The following ESR1 variants were observed in gnomAD, a reference collection of about 807,000 sequenced individuals.
ESR1 encodes the protein estrogen receptor 1.
ESR1 carries 12 observed loss-of-function variants against 52.7 expected under a neutral mutation model. That is an observed-to-expected ratio of 0.23 (90% CI 0.15 to 0.37). The LOEUF (loss-of-function observed/expected upper bound fraction) is 0.37. ESR1 is among the 10% of genes least tolerant of loss of function. ESR1 has a pLI of 1.00. For synonymous variants in ESR1, 305 were observed against 316.8 expected, an observed-to-expected ratio of 0.96 and a Z score of 0.39; for missense variants, 584 against 779.7, an observed-to-expected ratio of 0.75 and a Z score of 2.99.
At chr6:152,028,695 C>A (rs1218368214) in intron 5 of ESR1, among the ~76,000 whole-genome samples, 1 of 152,224 alleles carries the variant, frequency 6.6e-6, no homozygotes, top group Non-Finnish European at 1.5e-5. Context: ...GCCTGCCTGT[C>A]TCTGTAGACT....
At chr6:151,969,262 A>G (rs1186897049) in intron 4 of ESR1, among the ~76,000 whole-genome samples, 4 of 152,116 alleles carry the variant, frequency 2.6e-5, no homozygotes, top group Non-Finnish European at 5.9e-5. Context: ...AAAATATTTT[A>G]TATTTATGTA....
intron 6 of ESR1, among the ~76,000 whole-genome samples, chr6:152,108,330 G>T (rs575418871): frequency 3.3e-5 from 5 of 152,294 alleles, no homozygotes; most frequent in Non-Finnish European, 7.3e-5. Context: ...GGGAGGTAAG[G>T]GTGGGAGCAG....
At chr6:152,021,086 G>A (rs1319386135) in intron 5 of ESR1, among the ~76,000 whole-genome samples, 2 of 152,130 alleles carry the variant, frequency 1.3e-5, no homozygotes, top group Admixed American at 6.5e-5. Flanking sequence ...TATTAATCCT[G>A]GGTGTGTCTG....
intron 3 of ESR1, among the ~76,000 whole-genome samples, chr6:151,929,532 G>A (rs1488482980): frequency 1.3e-5 from 2 of 152,042 alleles, no homozygotes; most frequent in East Asian, 1.9e-4. Flanking sequence ...CTAGATGACA[G>A]GTTAATAGGT....
upstream of ESR1, among the ~76,000 whole-genome samples, chr6:151,686,762 G>A (rs1778705383): frequency 6.6e-6 from 1 of 152,056 alleles, no homozygotes; most frequent in African/African-American, 2.4e-5. Flanking sequence ...GCATGTTTAA[G>A]GTAGCTAAAC....
intron 5 of ESR1, among the ~76,000 whole-genome samples, chr6:152,048,544 A>G (rs2046421388): frequency 6.6e-6 from 1 of 152,032 alleles, no homozygotes; most frequent in South Asian, 2.1e-4. Context: ...ATGTGTGTTT[A>G]ATGTCTGCTT....
chr6:151,985,945 A>G (rs1400513958), intron 4 of ESR1, among the ~76,000 whole-genome samples: 4 of 152,194 alleles, frequency 2.6e-5, no homozygotes, highest in African/African-American at 9.7e-5. Flanking sequence ...CTGGGATTAC[A>G]GGTGTGAGCC....
At chr6:151,855,046 T>C (rs563894615) in intron 2 of ESR1, among the ~76,000 whole-genome samples, 1 of 152,310 alleles carries the variant, frequency 6.6e-6, no homozygotes, top group East Asian at 1.9e-4. Context: ...CCAGAGTAGC[T>C]GGGACCACAG....
intron 3 of ESR1, among the ~76,000 whole-genome samples, chr6:151,889,667 G>A (rs1042630792): frequency 3.3e-5 from 5 of 151,742 alleles, no homozygotes; most frequent in South Asian, 2.1e-4. Flanking sequence ...TTTTTCCTCC[G>A]ATCTTTATTA....
intron 2 of ESR1, among the ~76,000 whole-genome samples, chr6:151,720,585 A>G (rs1781382932): frequency 6.6e-6 from 1 of 152,194 alleles, no homozygotes; most frequent in African/African-American, 2.4e-5. Context: ...ACCTTTATTA[A>G]CTTATTTACC....
At chr6:151,763,720 G>A (rs1462566815) in intron 2 of ESR1, among the ~76,000 whole-genome samples, 3 of 152,196 alleles carry the variant, frequency 2.0e-5, no homozygotes, top group Non-Finnish European at 4.4e-5. Flanking sequence ...TATACCCAGA[G>A]CCCAGGTGCC....
At chr6:151,875,404 G>T (rs1040463444) in intron 2 of ESR1, among the ~76,000 whole-genome samples, 3 of 152,154 alleles carry the variant, frequency 2.0e-5, no homozygotes, top group Non-Finnish European at 4.4e-5. Context: ...AATGAAGTTG[G>T]GGGTGAGGGG....
rs546784151 is a variant in ESR1, at chr6:151,856,454, A to G, written c.643+13667A>G. ...GAGACTTTTGCTTCTAAGAGTTGAC[A>G]TAAACTTTTCCACAACATGAACAAT... On this transcript the variant is annotated intron_variant, in intron 2 of 7. Coordinates refer to ENST00000206249, the MANE Select transcript of ESR1 (RefSeq NM_000125.4). 1.8e-3 allele frequency among the ~76,000 whole-genome samples: 273 copies of G among 152,330 alleles called. 1 individual carries two copies. Among genetic ancestry groups the G allele is most frequent in the Middle Eastern group, 0.01 (3 of 294 alleles).
intron 3 of ESR1, among the ~76,000 whole-genome samples, chr6:151,924,410 T>A (rs190411694): frequency 2.3e-4 from 35 of 152,228 alleles, no homozygotes; most frequent in Non-Finnish European, 3.5e-4. Flanking sequence ...GTATTTTTTT[T>A]AATTAATTTT....
intron 2 of ESR1, among the ~76,000 whole-genome samples, chr6:151,731,171 T>C (rs1782207840): frequency 6.6e-6 from 1 of 152,016 alleles, no homozygotes; most frequent in African/African-American, 2.4e-5. Context: ...TTGTCCAACA[T>C]ATAGTGAAAC....
intron 2 of ESR1, among the ~76,000 whole-genome samples, chr6:151,773,206 A>T (rs1338001498): frequency 6.6e-6 from 1 of 152,204 alleles, no homozygotes; most frequent in Admixed American, 6.5e-5. Context: ...TGATGAAGGC[A>T]GAGTGGGGGG....
At position 151,809,271 on chromosome 6, in the gene ESR1, G is replaced by A. The variant is rs781503803; in HGVS notation, c.452+907G>A. The stretch of plus-strand genomic sequence containing the variant: ...ACCACTTTGTGACTTCAATGGCGAA[G>A]GTTGTGTGTCCTCATTTTAATTTTT... On this transcript the variant is annotated intron_variant, in intron 1 of 7. Transcript: ENST00000206249. 17 of 389,142 alleles carry A rather than the reference G, an allele frequency of 4.4e-5. 1 individual carries two copies. The highest frequency in any genetic ancestry group is 3.2e-4 in the South Asian group (17 of 53,628). The allele number at this position is 389,142 out of a possible 1,614,324, so 24.1% of individuals were successfully genotyped here.
chr6:151,694,352 A>T (rs1313614514), intron 1 of ESR1, among the ~76,000 whole-genome samples: 1 of 152,246 alleles, frequency 6.6e-6, no homozygotes, highest in East Asian at 1.9e-4. Context: ...GGGAGATAAC[A>T]TTACACCCTC....
chr6:152,032,646 C>T (rs979804451), intron 5 of ESR1, among the ~76,000 whole-genome samples: 7 of 152,112 alleles, frequency 4.6e-5, no homozygotes, highest in African/African-American at 1.7e-4. Flanking sequence ...AAAGAAGATA[C>T]AAACAAATGC....
Sources: gnomAD v4.1 joint callset for allele counts (sites outside exome capture counted in the v4.1 genomes callset) on GRCh38, gnomAD v4.1.1 for gene constraint, MANE v1.5 for transcripts, NCBI Gene and HGNC (gene_info 2026-07-23, HGNC 2026-07-21) for gene names.